Variants in PTCHD4 observed in about 807,000 individuals in gnomAD.
PTCHD4 encodes the protein patched domain containing 4.
PTCHD4 carries 33 observed loss-of-function variants against 58.1 expected under a neutral mutation model. That is an observed-to-expected ratio of 0.57 (90% confidence interval 0.43 to 0.76). The LOEUF (loss-of-function observed/expected upper bound fraction) is 0.76, where lower values mean the gene tolerates loss of function less well. Among genes scored for constraint, PTCHD4 ranks in the 30% least tolerant of loss-of-function variants. PTCHD4 has a pLI of 0.00. For synonymous variants in PTCHD4, 478 were observed against 409.6 expected (o/e 1.17, Z -2.02); for missense variants, 1,058 against 1,027.1 (o/e 1.03, Z -0.41).
intron 4 of PTCHD4, among the ~76,000 whole-genome samples, chr6:47,893,648 G>T (rs1451025318): frequency 7.2e-5 from 11 of 152,148 alleles, no homozygotes; most frequent in Admixed American, 3.9e-4. Flanking sequence ...TCAAAGACTT[G>T]CTGTGTTAAA....
rs1478582300 is a variant in PTCHD4, at chr6:47,872,692, G to A, written c.*5611C>T. 1.3e-5 allele frequency among the ~76,000 whole-genome samples: 2 copies of A among 151,530 alleles called. No individual in the cohort carries two copies. Among genetic ancestry groups the A allele is most frequent in the African/African-American group, 4.8e-5 (2 of 41,338 alleles). On this transcript the variant is annotated 3_prime_UTR_variant, in exon 5 of 5. Transcript: ENST00000339488. ...TTAAGATAGTGCAAAATCAGTGATA[G>A]TTTCCTTTATAAATACTTTATTATA...
chr6:48,069,075 G>A lies in PTCHD4; in HGVS notation c.-118C>T, dbSNP rs948345005. ...ATGTGGATTTCCTCTCTGTCTTGGT[G>A]GGGTTCGGTGCCTAACTGGAACCAT... On this transcript the variant is annotated 5_prime_UTR_variant, in exon 2 of 5. Transcript: ENST00000339488. 1.3e-5 allele frequency among the ~76,000 whole-genome samples: 2 copies of A among 149,352 alleles called. No homozygotes were observed. The highest frequency in any genetic ancestry group is 3.0e-5 in the Non-Finnish European group (2 of 67,394).
At chr6:48,000,382 C>A (rs888021392) in intron 4 of PTCHD4, among the ~76,000 whole-genome samples, 13 of 152,118 alleles carry the variant, frequency 8.5e-5, no homozygotes, top group Admixed American at 7.2e-4. Flanking sequence ...CAACTCAACA[C>A]CTACTTAATT....
chr6:47,902,849 T>C (rs1231828406), intron 4 of PTCHD4, among the ~76,000 whole-genome samples: 6 of 152,214 alleles, frequency 3.9e-5, no homozygotes, highest in Non-Finnish European at 8.8e-5. Flanking sequence ...TAAACATACA[T>C]TCGTATAATA....
Position 47,878,227 on chromosome 6 carries a change from C to T in PTCHD4, c.*76G>A. The T allele has an allele frequency of 7.3e-7, 1 of 1,374,834 alleles. No individual in the cohort carries two copies. The highest frequency in any genetic ancestry group is 1.9e-4 in the Middle Eastern group (1 of 5,314). 85.2% of individuals were successfully genotyped at this position (1,374,834 alleles called of 1,614,324 possible). On this transcript the variant is annotated 3_prime_UTR_variant, in exon 5 of 5. Coordinates refer to ENST00000339488, the MANE Select transcript of PTCHD4 (RefSeq NM_001384253.1). ...TGTTACCCCTGGCCAGCCCAAGCAG[C>T]TGAGGTCTGAGCTTTACTTGCCCTG...
At chr6:47,967,454 A>G (rs1472063565) in intron 4 of PTCHD4, among the ~76,000 whole-genome samples, 1 of 152,192 alleles carries the variant, frequency 6.6e-6, no homozygotes, top group Non-Finnish European at 1.5e-5. Flanking sequence ...ATTGGCTTCA[A>G]TTTAAAGTCA....
At chr6:48,009,659 C>T (rs145690317) in intron 3 of PTCHD4, among the ~76,000 whole-genome samples, 17 of 152,108 alleles carry the variant, frequency 1.1e-4, no homozygotes, top group Non-Finnish European at 1.8e-4. Context: ...AATTGCATAC[C>T]GAAGAGCAGT....
At chr6:47,895,025 T>C (rs1764491239) in intron 4 of PTCHD4, among the ~76,000 whole-genome samples, 1 of 151,850 alleles carries the variant, frequency 6.6e-6, no homozygotes, top group Non-Finnish European at 1.5e-5. Context: ...TCCCAGCTAC[T>C]GGGGGAGGCT....
At chr6:48,061,886 A>G (rs1000884067) in intron 3 of PTCHD4, among the ~76,000 whole-genome samples, 24 of 152,162 alleles carry the variant, frequency 1.6e-4, no homozygotes, top group Middle Eastern at 3.2e-3. Flanking sequence ...GACTTGAGTG[A>G]TTTGTTTAAC....
At chr6:47,977,880 C>G (rs1767752579) in intron 4 of PTCHD4, among the ~76,000 whole-genome samples, 1 of 151,876 alleles carries the variant, frequency 6.6e-6, no homozygotes, top group Admixed American at 6.6e-5. Flanking sequence ...AAATCTATTT[C>G]TTTTAGTGGA....
intron 3 of PTCHD4, among the ~76,000 whole-genome samples, chr6:48,012,828 A>G (rs190171663): frequency 1.3e-3 from 195 of 152,264 alleles, no homozygotes; most frequent in Non-Finnish European, 2.3e-3. Flanking sequence ...CTATTGAGAT[A>G]ATCATGTGGT....
chr6:47,931,992 A>G (rs1765838151), intron 4 of PTCHD4, among the ~76,000 whole-genome samples: 1 of 152,278 alleles, frequency 6.6e-6, no homozygotes, highest in South Asian at 2.1e-4. Context: ...AATCCATATA[A>G]TGCTGCAAAA....
At chr6:48,023,910 G>C (rs1348684485) in intron 3 of PTCHD4, among the ~76,000 whole-genome samples, 1 of 152,242 alleles carries the variant, frequency 6.6e-6, no homozygotes, top group East Asian at 1.9e-4. Flanking sequence ...AGCAATGATG[G>C]CAAAACCACC....
intron 4 of PTCHD4, chr6:47,900,682 G>A (rs1219082635): frequency 1.3e-5 from 2 of 152,160 alleles, no homozygotes; most frequent in Non-Finnish European, 2.9e-5. Context: ...GATTAAGCAA[G>A]TTCCCTTCTA....
chr6:47,966,812 AT>A (rs1767313400), intron 4 of PTCHD4, among the ~76,000 whole-genome samples: 1 of 152,116 alleles, frequency 6.6e-6, no homozygotes, highest in African/African-American at 2.4e-5. Flanking sequence ...ATTCAGTCCC[AT>A]TTTCAGGCTT....
chr6:48,032,455 T>C (rs1763481807), intron 3 of PTCHD4, among the ~76,000 whole-genome samples: 1 of 151,996 alleles, frequency 6.6e-6, no homozygotes, highest in Non-Finnish European at 1.5e-5. Flanking sequence ...TGTGTGTGTG[T>C]GTGTGTTTAT....
intron 1 of PTCHD4, among the ~76,000 whole-genome samples, chr6:48,101,169 T>G (rs1416076848): frequency 6.6e-6 from 1 of 152,046 alleles, no homozygotes; most frequent in Non-Finnish European, 1.5e-5. Context: ...AATGATACAC[T>G]GTTTAAAAAT....
chr6:47,932,746 G>T (rs1449163019), intron 4 of PTCHD4, among the ~76,000 whole-genome samples: 1 of 152,218 alleles, frequency 6.6e-6, no homozygotes, highest in Non-Finnish European at 1.5e-5. Context: ...TGAGGGTCAG[G>T]AGCACGGGCT....
intron 4 of PTCHD4, among the ~76,000 whole-genome samples, chr6:47,986,566 T>G (rs955323715): frequency 1.3e-5 from 2 of 152,102 alleles, no homozygotes; most frequent in Admixed American, 1.3e-4. Context: ...TCTTTTGATA[T>G]GGAGATATAT....
Sources: gnomAD v4.1 joint callset for allele counts (sites outside exome capture counted in the v4.1 genomes callset) on GRCh38, gnomAD v4.1.1 for gene constraint, MANE v1.5 for transcripts, NCBI Gene and HGNC (gene_info 2026-07-23, HGNC 2026-07-21) for gene names.